KNTC1: variants seen among roughly 807,000 people sequenced by gnomAD.
KNTC1 encodes kinetochore-associated protein 1.
KNTC1 carries 253 observed loss-of-function variants against 314.4 expected under a neutral mutation model. The ratio of observed to expected loss-of-function variants is 0.80; its 90% CI spans 0.73 to 0.89. The LOEUF (loss-of-function observed/expected upper bound fraction) is 0.89. KNTC1 is among the 40% of genes least tolerant of loss of function. The pLI is 0.00. For synonymous variants in KNTC1, 901 were observed against 901.4 expected, an observed-to-expected ratio of 1.00 and a Z score of 0.01; for missense variants, 2,475 against 2,572.9, an observed-to-expected ratio of 0.96 and a Z score of 0.82.
chr12:122,623,966 G>A (rs1874722424), intron 62 of KNTC1, among the ~76,000 whole-genome samples: 1 of 152,156 alleles, frequency 6.6e-6, no homozygotes, highest in Non-Finnish European at 1.5e-5. Context: ...TACTCGGGAG[G>A]CTAAGGCAGG....
rs1441638768 is a variant in KNTC1 at position 122,571,012 on chromosome 12, A to C, written c.1918-13A>C. 9 of 1,611,504 alleles carry C rather than the reference A, an allele frequency of 5.6e-6. No homozygotes were observed. Among genetic ancestry groups the C allele is most frequent in the Non-Finnish European group, 7.6e-6 (9 of 1,177,896 alleles). On this transcript the variant is annotated splice_polypyrimidine_tract_variant and intron_variant, in intron 23 of 63. Transcript: ENST00000333479. The stretch of plus-strand genomic sequence containing the variant: ...AAAACATTGTTTTGAACTGTCTGTA[A>C]TCTTTTTTAAAGGCAAATTGGCCAG...
At chr12:122,554,072 A>ATATATATATAT (rs1214945831) in intron 16 of KNTC1, among the ~76,000 whole-genome samples, 10 of 64,002 alleles carry the variant, frequency 1.6e-4, no homozygotes, top group African/African-American at 5.2e-4. Context: ...CTTAAAAAAA[A>ATATATATATAT]AAAAATATAT....
chr12:122,584,512 A>G, intron 35 of KNTC1, 62 bp downstream of exon 35: 1 of 1,277,810 alleles, frequency 7.8e-7, no homozygotes, highest in Non-Finnish European at 1.1e-6. Flanking sequence ...CTTGTCTCCC[A>G]AATGCTGTCT....
chr12:122,537,766 A>G (rs1036255386), intron 3 of KNTC1, among the ~76,000 whole-genome samples: 1 of 152,054 alleles, frequency 6.6e-6, no homozygotes, highest in Non-Finnish European at 1.5e-5. Flanking sequence ...GACGGTGGTA[A>G]TCTTTTGTTA....
intron 18 of KNTC1, among the ~76,000 whole-genome samples, chr12:122,561,396 A>G (rs187631741): frequency 6.6e-6 from 1 of 151,890 alleles, no homozygotes; most frequent in Admixed American, 6.6e-5. Context: ...AATTTTTGCA[A>G]TTGCAAATAA....
chr12:122,549,696 G>T (rs995497077), intron 12 of KNTC1, 70 bp from the exon 13 acceptor site: 3 of 781,350 alleles, frequency 3.8e-6, no homozygotes, highest in Non-Finnish European at 6.6e-6. Flanking sequence ...GCTCTTAATT[G>T]TGAAGTGCTG....
intron 59 of KNTC1, among the ~76,000 whole-genome samples, chr12:122,619,793 A>G (rs1874215947): frequency 6.6e-6 from 1 of 152,238 alleles, no homozygotes. Flanking sequence ...TAAACTGAGC[A>G]TTCTCTAAAA....
At chr12:122,592,800 G>C (rs1160445945) in intron 42 of KNTC1, 1 of 152,324 alleles carries the variant, frequency 6.6e-6, no homozygotes, top group African/African-American at 2.4e-5. Flanking sequence ...AAAGCAGGCT[G>C]CCCGAGTCAG....
intron 31 of KNTC1, among the ~76,000 whole-genome samples, chr12:122,578,317 G>C (rs1198158582): frequency 6.6e-6 from 1 of 151,936 alleles, no homozygotes; most frequent in Non-Finnish European, 1.5e-5. Flanking sequence ...ATGTTGCCCA[G>C]GCTGGTCTTG....
Position 122,582,771 on chromosome 12 carries a change from G to A in KNTC1, c.3049G>A (p.Glu1017Lys). 1 of 1,612,752 alleles carries A rather than the reference G, an allele frequency of 6.2e-7. No individual in the cohort carries two copies. The highest frequency in any genetic ancestry group is 8.5e-7 in the Non-Finnish European group (1 of 1,179,630). The part of the protein sequence containing the change: ...SNSSLVADLR[E>K]QHIKAHEVAQ... ...TAGTTCCCTGGTAGCAGATCTCCGTGAGCAGCACATTAAAGCTCACGAAGT... is the reference window on the plus strand; with the variant it reads ...TAGTTCCCTGGTAGCAGATCTCCGTAAGCAGCACATTAAAGCTCACGAAGT... Residue 1017 changes from glutamate to lysine, a missense_variant, in exon 34 of 64, where the codon GAG becomes AAG. Glu to Lys is a moderately conservative substitution (Grantham distance 56, BLOSUM62 1). Coordinates refer to ENST00000333479, the MANE Select transcript of KNTC1 (RefSeq NM_014708.6).
chr12:122,610,771 G>C (rs1873025664), intron 52 of KNTC1, 51 bp from the exon 53 acceptor site: 1 of 1,161,754 alleles, frequency 8.6e-7, no homozygotes, highest in Non-Finnish European at 1.3e-6. Context: ...TGTTGTTTTG[G>C]TAATCCATCA....
intron 42 of KNTC1, 119 bp from the exon 43 acceptor site, chr12:122,594,157 T>C: frequency 1.6e-6 from 1 of 635,322 alleles, no homozygotes; most frequent in South Asian, 1.9e-5. Flanking sequence ...GGAGGAGCTA[T>C]AGACAAATGT....
At chr12:122,606,565 C>G (rs938490436) in intron 51 of KNTC1, among the ~76,000 whole-genome samples, 6 of 151,984 alleles carry the variant, frequency 3.9e-5, no homozygotes, top group African/African-American at 1.2e-4. Flanking sequence ...GCTGTTTTAC[C>G]TTTCAGTTGA....
chr12:122,565,618 G>T (rs1964277863), intron 20 of KNTC1, among the ~76,000 whole-genome samples: 1 of 151,918 alleles, frequency 6.6e-6, no homozygotes, highest in South Asian at 2.1e-4. Context: ...CGGGCACAGT[G>T]GTTTATACCT....
chr12:122,570,839 T>C, intron 22 of KNTC1, 37 bp from the exon 23 acceptor site: 1 of 1,293,080 alleles, frequency 7.7e-7, no homozygotes, highest in Non-Finnish European at 1.1e-6. Context: ...TCAGTGATTA[T>C]CCATTAAGAA....
chr12:122,562,762 C>A, intron 20 of KNTC1, 63 bp downstream of exon 20: 2 of 981,148 alleles, frequency 2.0e-6, no homozygotes, highest in Non-Finnish European at 3.2e-6. Context: ...GTAATCCCAG[C>A]ACTTTGGGAG....
intron 22 of KNTC1, 132 bp downstream of exon 22, chr12:122,569,956 C>T: frequency 1.4e-6 from 1 of 711,986 alleles, no homozygotes; most frequent in Non-Finnish European, 2.3e-6. Flanking sequence ...ATTAAAGTGT[C>T]TCTTAAAAGA....
chr12:122,534,654 T>C lies in KNTC1; in HGVS notation c.130-10T>C. The C allele has an allele frequency of 6.2e-7, 1 of 1,600,724 alleles. No homozygotes were observed. The highest frequency in any genetic ancestry group is 8.5e-7 in the Non-Finnish European group (1 of 1,172,320). On this transcript the variant is annotated splice_polypyrimidine_tract_variant and intron_variant, in intron 2 of 63. Coordinates refer to ENST00000333479, the MANE Select transcript of KNTC1 (RefSeq NM_014708.6). ...TGTTTGAATTTTCATCATGCTTTTCTCTCCCACAGGCCTCATTAAATCCAA... is the reference window on the plus strand; with the variant it reads ...TGTTTGAATTTTCATCATGCTTTTCCCTCCCACAGGCCTCATTAAATCCAA...
At chr12:122,533,948 T>C (rs954953156) in intron 2 of KNTC1, among the ~76,000 whole-genome samples, 4 of 150,738 alleles carry the variant, frequency 2.7e-5, no homozygotes, top group African/African-American at 1.0e-4. Flanking sequence ...GTTACTCTTT[T>C]ACATGGAGTT....
Sources: allele counts gnomAD v4.1 joint callset (sites outside exome capture counted in the v4.1 genomes callset), GRCh38; gene constraint gnomAD v4.1.1; transcripts MANE v1.5; gene names NCBI Gene and HGNC (gene_info 2026-07-23, HGNC 2026-07-21).